PKD1L3: variants seen among roughly 807,000 people sequenced by gnomAD.
PKD1L3 encodes polycystin-1-like protein 3.
Under a neutral mutation model 184.1 loss-of-function variants are expected in PKD1L3, and 239 were observed. The ratio of observed to expected loss-of-function variants is 1.30; its 90% CI spans 1.17 to 1.45. The LOEUF is 1.45. Among genes scored for constraint, PKD1L3 ranks in the 40% most tolerant of loss-of-function variants. The probability of loss-of-function intolerance (pLI) is 0.00; values close to 1 mark genes in which losing one functional copy is unlikely to be tolerated. For missense variants in PKD1L3, 2,660 were observed against 2,067.2 expected (o/e 1.29, Z -5.56); for synonymous variants, 996 against 778.8 (o/e 1.28, Z -4.64).
chr16:71,997,790 C>A (rs367690879), intron 2 of PKD1L3, among the ~76,000 whole-genome samples: 13 of 92,230 alleles, frequency 1.4e-4, no homozygotes, highest in South Asian at 1.1e-3. Context: ...TAAATAAATA[C>A]AACAACTACA....
In PKD1L3 at chr16:71,942,985, T is replaced by C; in HGVS notation, c.3899A>G (p.Tyr1300Cys). The change falls in exon 24 of 30, where the codon TAC becomes TGC. Residue 1300 changes from tyrosine to cysteine, a missense_variant. By Grantham distance (194) the Tyr-to-Cys change is radical (BLOSUM62 -2). Coordinates refer to ENST00000620267, the MANE Select transcript of PKD1L3 (RefSeq NM_181536.2). ...AAATCTATTGGAGTTCTTTGCAGAG[T>C]AGATTGCAGTCATCAACAGGGTAAG... is the stretch of plus-strand genomic sequence containing the variant. ...LFLTLLMTAI[Y>C]SAKNSNRFYL... 1.3e-6 allele frequency: 2 copies of C among 1,551,376 alleles called. No homozygotes were observed. Among genetic ancestry groups the C allele is most frequent in the African/African-American group, 1.4e-5 (1 of 73,082 alleles).
intron 9 of PKD1L3, among the ~76,000 whole-genome samples, chr16:71,979,168 G>A (rs1328598879): frequency 1.3e-5 from 2 of 152,172 alleles, no homozygotes; most frequent in African/African-American, 2.4e-5. Context: ...CAGAGGCTGG[G>A]CATGGTGGCT....
At chr16:71,973,198 G>C (rs767131946) in intron 12 of PKD1L3, 126 bp downstream of exon 12, 73 of 1,188,064 alleles carry the variant, frequency 6.1e-5, no homozygotes, top group Non-Finnish European at 8.0e-5. Context: ...CTTTTGCCCA[G>C]GCAGAGTTAT....
rs565086691 is a variant in PKD1L3 at position 71,947,382 on chromosome 16, G to A, written c.3718+110C>T. On this transcript the variant is annotated intron_variant, in intron 22 of 29. Coordinates refer to ENST00000620267, the MANE Select transcript of PKD1L3 (RefSeq NM_181536.2). Reference sequence around the variant, plus strand: ...TTGGGCAGAAAAGGAGAAATAACCAGTTGGTTAGAGACAAGTCCTTTGAAT... The same window carrying A: ...TTGGGCAGAAAAGGAGAAATAACCAATTGGTTAGAGACAAGTCCTTTGAAT... 1.4e-4 allele frequency: 95 copies of A among 693,246 alleles called. No homozygotes were observed. The African/African-American group carries it at 1.6e-3, about 12-fold the overall frequency. 42.9% of individuals were successfully genotyped at this position (693,246 alleles called of 1,614,324 possible). A position where few individuals can be genotyped will look rare whatever the true frequency, so the allele number is the denominator to read the frequency against.
intron 13 of PKD1L3, among the ~76,000 whole-genome samples, chr16:71,969,633 C>G (rs1379881778): frequency 6.6e-6 from 1 of 151,798 alleles, no homozygotes; most frequent in East Asian, 1.9e-4. Context: ...TTGGCTCATT[C>G]CTGTCCTAAA....
rs1555523481 is a variant in PKD1L3 at position 71,977,560 on chromosome 16, C to CTTTTTTTTTTTTTTTTTTTTT, written c.1528-94_1528-93insAAAAAAAAAAAAAAAAAAAAA. The CTTTTTTTTTTTTTTTTTTTTT allele has an allele frequency of 8.0e-6, 4 of 500,298 alleles. 2 individuals are homozygous for CTTTTTTTTTTTTTTTTTTTTT. The allele number at this position is 500,298 out of a possible 1,614,324, so 31.0% of individuals were successfully genotyped here. A position where few individuals can be genotyped will look rare whatever the true frequency, so the allele number is the denominator to read the frequency against. ...GATAAGGTAAGGAAACGTCCTAGCTCTTTTTTTTTTTTTTTTTTTTGAGAT... is the reference window on the plus strand; with the variant it reads ...GATAAGGTAAGGAAACGTCCTAGCTCTTTTTTTTTTTTTTTTTTTTTTTTTTTTTTTTTTTTTTTTTGAGAT... On this transcript the variant is annotated intron_variant, in intron 10 of 29. Coordinates refer to ENST00000620267, the MANE Select transcript of PKD1L3 (RefSeq NM_181536.2).
intron 22 of PKD1L3, among the ~76,000 whole-genome samples, chr16:71,947,261 A>C (rs1168717612): frequency 1.3e-5 from 2 of 152,200 alleles, no homozygotes; most frequent in East Asian, 1.9e-4. Context: ...CCGTCTCAAA[A>C]AAATAAAATT....
At chr16:71,989,579 G>C (rs1282620148) in intron 4 of PKD1L3, among the ~76,000 whole-genome samples, 1 of 152,242 alleles carries the variant, frequency 6.6e-6, no homozygotes, top group Non-Finnish European at 1.5e-5. Flanking sequence ...AATGCTGAGA[G>C]ATTTCTTGAA....
chr16:71,974,336 A>G (rs1214869237), intron 11 of PKD1L3, among the ~76,000 whole-genome samples: 4 of 152,172 alleles, frequency 2.6e-5, no homozygotes, highest in Non-Finnish European at 5.9e-5. Context: ...AGGTTCCTGA[A>G]GGCCCCTTCC....
rs780013191 is a variant in PKD1L3, at chr16:71,929,685, A to T, written c.5059-7T>A. The T allele has an allele frequency of 2.6e-6, 4 of 1,528,516 alleles. No individual in the cohort carries two copies. Among genetic ancestry groups the T allele is most frequent in the Non-Finnish European group, 3.5e-6 (4 of 1,138,448 alleles). 94.7% of individuals were successfully genotyped at this position (1,528,516 alleles called of 1,614,324 possible). On this transcript the variant is annotated splice_region_variant and splice_polypyrimidine_tract_variant and intron_variant, in intron 29 of 29. Transcript: ENST00000620267. ...CTATTAGTGCAGCTTCTTTCTGAGT[A>T]TTGAAGACAAAAAGAGAAAAGTGAG...
intron 6 of PKD1L3, among the ~76,000 whole-genome samples, chr16:71,983,057 T>C (rs558449306): frequency 1.1e-4 from 17 of 152,184 alleles, no homozygotes; most frequent in Non-Finnish European, 1.9e-4. Flanking sequence ...TCTGACAAAC[T>C]GACAATTCTT....
intron 22 of PKD1L3, among the ~76,000 whole-genome samples, chr16:71,945,559 T>C (rs1017572906): frequency 6.6e-6 from 1 of 151,598 alleles, no homozygotes; most frequent in Non-Finnish European, 1.5e-5. Context: ...GCACCTGTAA[T>C]CACAGCTACT....
chr16:71,977,197 G>T (rs1173545007), intron 11 of PKD1L3, 39 bp downstream of exon 11: 1 of 1,427,544 alleles, frequency 7.0e-7, no homozygotes, highest in Non-Finnish European at 9.7e-7. Flanking sequence ...TAGGCAAAAA[G>T]AAATCAAAGT....
intron 16 of PKD1L3, among the ~76,000 whole-genome samples, chr16:71,961,845 T>G (rs1327624964): frequency 5.3e-5 from 8 of 152,214 alleles, no homozygotes; most frequent in Admixed American, 3.3e-4. Flanking sequence ...GAGCAGATCT[T>G]AACAAAGAAA....
chr16:71,972,114 G>C (rs2039735497), intron 12 of PKD1L3, among the ~76,000 whole-genome samples: 1 of 152,134 alleles, frequency 6.6e-6, no homozygotes, highest in African/African-American at 2.4e-5. Flanking sequence ...TACTTGGGAG[G>C]CTGAGGCAGG....
chr16:71,999,958 G>T lies in PKD1L3; in HGVS notation c.21C>A (p.Ser7Arg). 1 of 1,526,204 alleles carries T rather than the reference G, an allele frequency of 6.6e-7. No individual in the cohort carries two copies. The highest frequency in any genetic ancestry group is 8.9e-7 in the Non-Finnish European group (1 of 1,129,110). The allele number at this position is 1,526,204 out of a possible 1,614,324, so 94.5% of individuals were successfully genotyped here. A position where few individuals can be genotyped will look rare whatever the true frequency, so the allele number is the denominator to read the frequency against. MFFKGG[S>R]WLWLYIRTSI... ...TTGTTCTGATGTATAACCAAAGCCA[G>T]CTTCCTCCTTTGAAGAACATTTTCT... The change falls in exon 1 of 30, where the codon AGC becomes AGA. Residue 7 changes from serine to arginine, a missense_variant. Ser to Arg is a moderately radical substitution (Grantham distance 110). Coordinates refer to ENST00000620267, the MANE Select transcript of PKD1L3 (RefSeq NM_181536.2).
At chr16:71,973,181 C>T in intron 12 of PKD1L3, 143 bp downstream of exon 12, 1 of 1,001,206 alleles carries the variant, frequency 1.0e-6, no homozygotes, top group Non-Finnish European at 1.4e-6. Flanking sequence ...CACAACCCTC[C>T]TCCCTCCTTT....
intron 2 of PKD1L3, among the ~76,000 whole-genome samples, chr16:71,994,881 G>T (rs1040867446): frequency 6.6e-6 from 1 of 152,046 alleles, no homozygotes; most frequent in Admixed American, 6.6e-5. Flanking sequence ...CCAGCTACTT[G>T]GGAGGCTGAG....
chr16:71,986,494 A>G (rs758182017), intron 4 of PKD1L3, 25 bp from the exon 5 acceptor site: 4 of 1,538,102 alleles, frequency 2.6e-6, no homozygotes, highest in Non-Finnish European at 3.5e-6. Flanking sequence ...TATGTAAAGG[A>G]AAAGACTGAA....
Sources: gnomAD v4.1 joint callset for allele counts (sites outside exome capture counted in the v4.1 genomes callset) on GRCh38, gnomAD v4.1.1 for gene constraint, MANE v1.5 for transcripts, NCBI Gene and HGNC (gene_info 2026-07-23, HGNC 2026-07-21) for gene names.